KCNN2: variants seen among roughly 807,000 people sequenced by gnomAD.
The protein encoded by KCNN2 is small conductance calcium-activated potassium channel protein 2.
In KCNN2, 24 loss-of-function variants were observed where a neutral mutation model predicts 55.5. The observed-to-expected ratio is 0.43, with a 90% CI of 0.31 to 0.61. The LOEUF (loss-of-function observed/expected upper bound fraction) is 0.61. Among genes scored for constraint, KCNN2 ranks in the 20% least tolerant of loss-of-function variants. KCNN2 has a pLI of 0.08. For missense variants in KCNN2, 754 were observed against 853.6 expected, an observed-to-expected ratio of 0.88 and a Z score of 1.45; for synonymous variants, 431 against 336.1, an observed-to-expected ratio of 1.28 and a Z score of -3.09.
chr5:114,406,100 GAAAAAAA>G (rs554840041), intron 3 of KCNN2, among the ~76,000 whole-genome samples: 10 of 114,564 alleles, frequency 8.7e-5, no homozygotes, highest in African/African-American at 3.2e-4. Context: ...AGAGTTGCTG[GAAAAAAA>G]AAAAAAAAAA....
intron 1 of KCNN2, among the ~76,000 whole-genome samples, chr5:114,083,793 C>G (rs78170650): frequency 6.6e-6 from 1 of 152,074 alleles, no homozygotes; most frequent in Non-Finnish European, 1.5e-5. Context: ...TACGTTATTA[C>G]AAATGATAGT....
intron 2 of KCNN2, among the ~76,000 whole-genome samples, chr5:114,234,663 A>G (rs554332730): frequency 3.3e-5 from 5 of 152,238 alleles, no homozygotes; most frequent in African/African-American, 1.2e-4. Flanking sequence ...ACTCAGGTAT[A>G]TGTGTGTAAA....
intron 2 of KCNN2, among the ~76,000 whole-genome samples, chr5:114,293,361 G>A (rs36168908): frequency 0.19 from 29,217 of 151,888 alleles, 2,936 homozygotes; most frequent in South Asian, 0.24. Flanking sequence ...TTTGAGATAC[G>A]TCCCATCAGT....
chr5:114,240,744 A>G (rs555245342), intron 2 of KCNN2, among the ~76,000 whole-genome samples: 3 of 152,122 alleles, frequency 2.0e-5, no homozygotes, highest in Non-Finnish European at 2.9e-5. Flanking sequence ...ATTATTTTCA[A>G]TAATGTAAGA....
chr5:114,277,665 G>A lies in KCNN2; in HGVS notation c.-185+56100G>A, dbSNP rs577050890. Among the ~76,000 whole-genome samples the A allele has an allele frequency of 1.3e-4, 20 of 152,168 alleles. No individual in the cohort carries two copies. In the South Asian group the frequency reaches 3.1e-3, roughly 24 times the overall value. On this transcript the variant is annotated intron_variant, in intron 2 of 10. Coordinates refer to the KCNN2 transcript ENST00000512097. ...CTTGTGCATGCTTCACAAAGTTCTC[G>A]TACTGTGGTTTTCAGCTCCATCAGG...
chr5:114,060,196 T>C (rs1170141618), intron 1 of KCNN2, among the ~76,000 whole-genome samples: 2 of 152,250 alleles, frequency 1.3e-5, no homozygotes, highest in Admixed American at 1.3e-4. Flanking sequence ...ACCTCTGCAA[T>C]GCCCTCTTGG....
chr5:114,233,522 A>T (rs1336014995), intron 2 of KCNN2, among the ~76,000 whole-genome samples: 1 of 151,910 alleles, frequency 6.6e-6, no homozygotes, highest in African/African-American at 2.4e-5. Flanking sequence ...TTCTCCCTTG[A>T]CTCTGTTTTA....
chr5:114,212,949 C>T (rs1433973057), intron 1 of KCNN2, among the ~76,000 whole-genome samples: 2 of 151,676 alleles, frequency 1.3e-5, no homozygotes, highest in Non-Finnish European at 2.9e-5. Context: ...AGATATAATG[C>T]AATTAATTAA....
At chr5:114,232,340 G>T (rs1477181410) in intron 2 of KCNN2, among the ~76,000 whole-genome samples, 3 of 150,984 alleles carry the variant, frequency 2.0e-5, no homozygotes, top group Non-Finnish European at 4.4e-5. Flanking sequence ...AAAAATTAAT[G>T]GTCCATCTTA....
intron 1 of KCNN2, among the ~76,000 whole-genome samples, chr5:114,110,922 C>T (rs1001079109): frequency 1.3e-5 from 2 of 152,104 alleles, no homozygotes; most frequent in Non-Finnish European, 2.9e-5. Flanking sequence ...AAAAAATGCA[C>T]ATTATTCCTA....
At chr5:114,266,117 A>T (rs1202041444) in intron 2 of KCNN2, among the ~76,000 whole-genome samples, 1 of 152,178 alleles carries the variant, frequency 6.6e-6, no homozygotes, top group East Asian at 1.9e-4. Context: ...ATGCCAAAAT[A>T]GCATTACAAC....
chr5:114,476,435 ATT>A (rs140291470), intron 5 of KCNN2, among the ~76,000 whole-genome samples: 17 of 139,972 alleles, frequency 1.2e-4, no homozygotes, highest in East Asian at 2.1e-4. Flanking sequence ...TGACAGATCC[ATT>A]TTTTTTTTTT....
intron 5 of KCNN2, among the ~76,000 whole-genome samples, chr5:114,484,225 C>T (rs899433454): frequency 5.9e-5 from 9 of 152,000 alleles, no homozygotes; most frequent in African/African-American, 1.9e-4. Flanking sequence ...TTTCTGAAAG[C>T]CCTGGAAAGG....
At chr5:114,066,640 C>T (rs752166563) in intron 1 of KCNN2, among the ~76,000 whole-genome samples, 39 of 152,112 alleles carry the variant, frequency 2.6e-4, no homozygotes, top group Non-Finnish European at 1.9e-4. Flanking sequence ...AGTGCAGTGG[C>T]GTGATCTCGG....
chr5:114,451,021 A>G (rs1298086899), intron 3 of KCNN2, among the ~76,000 whole-genome samples: 1 of 152,244 alleles, frequency 6.6e-6, no homozygotes, highest in Admixed American at 6.5e-5. Context: ...TATTAGTGAT[A>G]CCGTCTGTGT....
intron 3 of KCNN2, among the ~76,000 whole-genome samples, chr5:114,422,650 A>T (rs142916087): frequency 2.3e-4 from 35 of 152,200 alleles, no homozygotes; most frequent in Non-Finnish European, 4.6e-4. Flanking sequence ...AAAGCAAAAT[A>T]AAAAAAACGA....
intron 2 of KCNN2, among the ~76,000 whole-genome samples, chr5:114,327,216 T>C (rs1756731195): frequency 6.6e-6 from 1 of 152,210 alleles, no homozygotes; most frequent in South Asian, 2.1e-4. Context: ...GAACAGTCAA[T>C]TGAAACAAAG....
chr5:114,308,260 A>G (rs919250873), intron 2 of KCNN2, among the ~76,000 whole-genome samples: 1 of 152,116 alleles, frequency 6.6e-6, no homozygotes. Context: ...GCCCATTGTC[A>G]TATCTTTGTA....
chr5:114,158,504 A>G (rs1010442097), intron 1 of KCNN2, among the ~76,000 whole-genome samples: 7 of 152,146 alleles, frequency 4.6e-5, no homozygotes, highest in African/African-American at 1.7e-4. Flanking sequence ...TTGGTTCCAT[A>G]TGAAGTTTAA....
Sources: gnomAD v4.1 joint callset for allele counts (sites outside exome capture counted in the v4.1 genomes callset) on GRCh38, gnomAD v4.1.1 for gene constraint, MANE v1.5 for transcripts, NCBI Gene and HGNC (gene_info 2026-07-23, HGNC 2026-07-21) for gene names.